Variants in NTRK2 observed in about 807,000 individuals in gnomAD.
NTRK2 encodes neurotrophic receptor tyrosine kinase 2, also known as BDNF/NT-3 growth factors receptor.
A neutral mutation model predicts 94.5 loss-of-function variants in NTRK2; 13 were observed. The observed-to-expected ratio is 0.14, with a 90% confidence interval of 0.09 to 0.22. The LOEUF is 0.22. Among genes scored for constraint, NTRK2 ranks in the 10% least tolerant of loss-of-function variants. The pLI, the probability that NTRK2 is intolerant of heterozygous loss-of-function variation, is 1.00. For missense variants in NTRK2, 639 were observed against 1,071.2 expected, an observed-to-expected ratio of 0.60 and a Z score of 5.63; for synonymous variants, 372 against 407.4, an observed-to-expected ratio of 0.91 and a Z score of 1.05.
In NTRK2 at chr9:84,670,478, G is replaced by T; in HGVS notation, c.-271G>T. The T allele has an allele frequency of 1.9e-6, 1 of 514,180 alleles. No individual in the cohort carries two copies. The highest frequency in any genetic ancestry group is 3.4e-5 in the East Asian group (1 of 29,684). The allele number at this position is 514,180 out of a possible 1,614,324, so 31.9% of individuals were successfully genotyped here. A position where few individuals can be genotyped will look rare whatever the true frequency, so the allele number is the denominator to read the frequency against. On this transcript the variant is annotated 5_prime_UTR_variant, in exon 2 of 19. The change abolishes an upstream ATG in the 5' untranslated region. Transcript: ENST00000277120. ...GTCGGTGCCCGGCGCGCCGGGCCAT[G>T]CAGCGACGGCCGCCGCGGAGCTCCG... is the stretch of plus-strand genomic sequence containing the variant.
intron 2 of NTRK2, among the ~76,000 whole-genome samples, chr9:84,671,426 C>CT (rs35955294): frequency 0.026 from 4,025 of 152,260 alleles, 72 homozygotes; most frequent in Admixed American, 0.043. Flanking sequence ...CCCTTAACAT[C>CT]TTTTTTGAGA....
At chr9:84,761,824 T>A (rs375022757) in intron 12 of NTRK2, among the ~76,000 whole-genome samples, 1 of 152,192 alleles carries the variant, frequency 6.6e-6, no homozygotes, top group Admixed American at 6.5e-5. Context: ...TGAATCTGTT[T>A]ACTGTTAATT....
intron 12 of NTRK2, among the ~76,000 whole-genome samples, chr9:84,776,277 A>G (rs947768852): frequency 6.6e-5 from 10 of 152,198 alleles, no homozygotes; most frequent in African/African-American, 2.4e-4. Context: ...GCTGGAGTGC[A>G]GCAGCATGAT....
At chr9:84,762,714 C>T (rs1022813447) in intron 12 of NTRK2, among the ~76,000 whole-genome samples, 1 of 152,072 alleles carries the variant, frequency 6.6e-6, no homozygotes, top group Non-Finnish European at 1.5e-5. Context: ...TGAAGTATAC[C>T]CTTTTAGCCC....
intron 12 of NTRK2, among the ~76,000 whole-genome samples, chr9:84,825,115 C>T (rs2073102523): frequency 6.6e-6 from 1 of 152,020 alleles, no homozygotes; most frequent in Admixed American, 6.5e-5. Context: ...GCTTTCCTCT[C>T]CCTGGGCTCT....
At chr9:84,956,743 C>T (rs1034191802) in intron 17 of NTRK2, among the ~76,000 whole-genome samples, 1 of 152,164 alleles carries the variant, frequency 6.6e-6, no homozygotes, top group African/African-American at 2.4e-5. Flanking sequence ...CAGTCTTGCT[C>T]ACCTCTATGG....
intron 14 of NTRK2, chr9:84,875,423 C>T (rs1587785894): frequency 9.4e-7 from 1 of 1,062,362 alleles, no homozygotes; most frequent in Non-Finnish European, 1.1e-6. Context: ...GAGAGGCTCT[C>T]TTGTTCTGAC....
chr9:84,955,180 G>A (rs952381121), intron 16 of NTRK2, 103 bp from the exon 17 acceptor site: 7 of 903,688 alleles, frequency 7.7e-6, no homozygotes, highest in Non-Finnish European at 1.2e-5. Context: ...CTACAGGGTG[G>A]GGGTGAGGAG....
chr9:84,797,627 T>TTA (rs1554730810), intron 12 of NTRK2, among the ~76,000 whole-genome samples: 982 of 59,128 alleles, frequency 0.017, 218 homozygotes, highest in African/African-American at 0.08. Flanking sequence ...ATACTATATA[T>TTA]TATATATTAT....
At chr9:85,002,411 T>TG (rs780184159) in intron 17 of NTRK2, among the ~76,000 whole-genome samples, 5 of 152,194 alleles carry the variant, frequency 3.3e-5, no homozygotes, top group East Asian at 3.9e-4. Flanking sequence ...CCAGGTGCTG[T>TG]GGGTGTCTCT....
At chr9:84,815,739 AC>A in intron 12 of NTRK2, 1 of 1,004,222 alleles carries the variant, frequency 1.0e-6, no homozygotes, top group Non-Finnish European at 1.2e-6. Flanking sequence ...GATCTTGTGT[AC>A]TTCCTCACAC....
rs765851371 is a variant in NTRK2, at chr9:84,702,416, A to T, written c.356A>T (p.His119Leu). 6.2e-7 allele frequency: 1 copy of T among 1,612,886 alleles called. No individual in the cohort carries two copies. The highest frequency in any genetic ancestry group is 2.2e-5 in the East Asian group (1 of 44,894). ...KAFLKNSNLQ[H>L]INFTRNKLTS... Reference sequence around the variant, plus strand: ...TTTCTGAAAAACAGCAACCTGCAGCACATGTAAGTAGAGATTGATTCTTTT... The same window carrying T: ...TTTCTGAAAAACAGCAACCTGCAGCTCATGTAAGTAGAGATTGATTCTTTT... The change falls in exon 4 of 19, where the codon CAC becomes CTC. Residue 119 changes from histidine (H) to leucine (L), a missense_variant. Around this residue, in one of 5 missense-constraint regions of NTRK2, gnomAD observed 206 missense variants for 251.5 expected, o/e 0.82. Coordinates refer to ENST00000277120, the MANE Select transcript of NTRK2 (RefSeq NM_006180.6).
intron 13 of NTRK2, among the ~76,000 whole-genome samples, chr9:84,863,410 T>C (rs2075424274): frequency 6.6e-6 from 1 of 152,236 alleles, no homozygotes; most frequent in Non-Finnish European, 1.5e-5. Context: ...AGTGTGCACC[T>C]ACCTCGCCAT....
At position 84,873,363 on chromosome 9, in the gene NTRK2, A is replaced by C. The variant is rs199587159; in HGVS notation, c.1633+5932A>C. ...GCCCAGCACGAGCATTAGGACAGAGAATGCACTTATTTTAGGATCCTTAAA... is the reference window on the plus strand; with the variant it reads ...GCCCAGCACGAGCATTAGGACAGAGCATGCACTTATTTTAGGATCCTTAAA... On this transcript the variant is annotated intron_variant, in intron 14 of 18. Transcript: ENST00000277120. 8.1e-5 allele frequency: 86 copies of C among 1,058,798 alleles called. No individual in the cohort carries two copies. The African/African-American group carries it at 1.3e-3, about 16-fold the overall frequency. 65.6% of individuals were successfully genotyped at this position (1,058,798 alleles called of 1,614,324 possible).
chr9:84,730,783 C>CAAAAAAAAAAAAAAAAAAAA lies in NTRK2; in HGVS notation c.1159+2830_1159+2849dup. On this transcript the variant is annotated intron_variant, in intron 9 of 18. Coordinates refer to ENST00000277120, the MANE Select transcript of NTRK2 (RefSeq NM_006180.6). Reference sequence around the variant, plus strand: ...AAACTAAAGAAAAATAAACAAATAGCAAAAAAAAAAAAAAAAAAAAAAAAA... The same window carrying CAAAAAAAAAAAAAAAAAAAA: ...AAACTAAAGAAAAATAAACAAATAGCAAAAAAAAAAAAAAAAAAAAAAAAAAAAAAAAAAAAAAAAAAAAA... 5.8e-4 allele frequency among the ~76,000 whole-genome samples: 14 copies of CAAAAAAAAAAAAAAAAAAAA among 24,138 alleles called. 1 individual carries two copies. Among genetic ancestry groups the CAAAAAAAAAAAAAAAAAAAA allele is most frequent in the African/African-American group, 8.9e-4 (5 of 5,634 alleles). 15.8% of individuals were successfully genotyped at this position (24,138 alleles called of 152,430 possible). A position where few individuals can be genotyped will look rare whatever the true frequency, so the allele number is the denominator to read the frequency against.
chr9:84,929,318 A>G (rs1390701388), intron 14 of NTRK2, among the ~76,000 whole-genome samples: 1 of 152,184 alleles, frequency 6.6e-6, no homozygotes, highest in Non-Finnish European at 1.5e-5. Flanking sequence ...CTCATGGGAC[A>G]AATGACCAAG....
chr9:84,928,829 A>G (rs1379907974), intron 14 of NTRK2, among the ~76,000 whole-genome samples: 1 of 152,198 alleles, frequency 6.6e-6, no homozygotes, highest in Non-Finnish European at 1.5e-5. Context: ...AGTACAGGCC[A>G]TTATCTTTTA....
intron 14 of NTRK2, among the ~76,000 whole-genome samples, chr9:84,898,152 CTGA>C (rs2076816326): frequency 6.6e-6 from 1 of 151,206 alleles, no homozygotes; most frequent in Non-Finnish European, 1.5e-5. Context: ...ATGATTGTAG[CTGA>C]TGAGATTCAT....
intron 17 of NTRK2, among the ~76,000 whole-genome samples, chr9:84,977,904 T>A (rs1469830667): frequency 6.6e-6 from 1 of 152,180 alleles, no homozygotes; most frequent in African/African-American, 2.4e-5. Context: ...GTTCCAGTGA[T>A]TTATATTCAG....
Sources: gnomAD v4.1 joint callset for allele counts (sites outside exome capture counted in the v4.1 genomes callset) on GRCh38, gnomAD v4.1.1 for gene constraint, gnomAD v4.1.1 regional missense constraint, MANE v1.5 for transcripts, NCBI Gene and HGNC (gene_info 2026-07-23, HGNC 2026-07-21) for gene names.